NR3C1: variants seen among roughly 807,000 people sequenced by gnomAD.
NR3C1 encodes glucocorticoid receptor.
NR3C1 carries 14 observed loss-of-function variants against 74.0 expected under a neutral mutation model. The observed-to-expected ratio is 0.19, with a 90% CI of 0.12 to 0.30. The LOEUF (loss-of-function observed/expected upper bound fraction) is 0.30, where lower values mean the gene tolerates loss of function less well. NR3C1 is among the 10% of genes least tolerant of loss of function. NR3C1 has a pLI of 1.00. For synonymous variants in NR3C1, 308 were observed against 332.5 expected (o/e 0.93, Z 0.80); for missense variants, 695 against 909.8 (o/e 0.76, Z 3.04).
intron 1 of NR3C1, among the ~76,000 whole-genome samples, chr5:143,425,822 CT>C (rs1751499533): frequency 6.6e-6 from 1 of 152,144 alleles, no homozygotes; most frequent in African/African-American, 2.4e-5. Flanking sequence ...TGGCAGTTTT[CT>C]CAAAAAGGTA....
At chr5:143,351,475 T>C (rs1323478707) in intron 2 of NR3C1, among the ~76,000 whole-genome samples, 1 of 152,156 alleles carries the variant, frequency 6.6e-6, no homozygotes, top group African/African-American at 2.4e-5. Flanking sequence ...TTTTCCTCTT[T>C]TGTTGAGGAA....
At position 143,341,115 on chromosome 5, in the gene NR3C1, C is replaced by G. The variant is rs1428791211; in HGVS notation, c.1185-26947G>C. Reference sequence around the variant, plus strand: ...TAAGCTGTTGTAGTTTCGAAATGATCCAAATAATAACTTACATGACTTGAT... The same window carrying G: ...TAAGCTGTTGTAGTTTCGAAATGATGCAAATAATAACTTACATGACTTGAT... On this transcript the variant is annotated intron_variant, in intron 2 of 8. Coordinates refer to ENST00000394464, the MANE Select transcript of NR3C1 (RefSeq NM_000176.3). 3.3e-5 allele frequency among the ~76,000 whole-genome samples: 5 copies of G among 152,042 alleles called. No individual in the cohort carries two copies. The East Asian group carries it at 9.6e-4, about 29-fold the overall frequency.
chr5:143,416,926 T>A (rs1249238348), intron 1 of NR3C1, among the ~76,000 whole-genome samples: 1 of 152,232 alleles, frequency 6.6e-6, no homozygotes, highest in African/African-American at 2.4e-5. Context: ...CCTATTCTGG[T>A]TACATCTGCC....
intron 1 of NR3C1, among the ~76,000 whole-genome samples, chr5:143,410,992 ACAAT>A (rs755551545): frequency 2.1e-4 from 32 of 152,342 alleles, no homozygotes; most frequent in Non-Finnish European, 3.7e-4. Context: ...TTATAAACTC[ACAAT>A]CAAATATTTT....
chr5:143,408,656 T>C (rs1441170585), upstream of NR3C1, among the ~76,000 whole-genome samples: 1 of 152,210 alleles, frequency 6.6e-6, no homozygotes, highest in Non-Finnish European at 1.5e-5. Context: ...GATAATTTTA[T>C]ACAATATTTA....
rs768442683 is a variant in NR3C1 at position 143,400,467 on chromosome 5, T to G, written c.373A>C (p.Ser125Arg). ...GETDLKLLEE[S>R]IANLNRSTSV... Reference sequence around the variant, plus strand: ...GTCGACCTATTGAGGTTTGCAATGCTTTCTTCCAAAAGCTTTAAGTCTGTT... The same window carrying G: ...GTCGACCTATTGAGGTTTGCAATGCGTTCTTCCAAAAGCTTTAAGTCTGTT... The change falls in exon 2 of 9, where the codon AGC becomes CGC. Residue 125 changes from serine to arginine, a missense_variant. By Grantham distance (110) the Ser-to-Arg change is moderately radical (BLOSUM62 -1). Transcript: ENST00000394464. The G allele has an allele frequency of 6.2e-7, 1 of 1,614,236 alleles. No homozygotes were observed. The highest frequency in any genetic ancestry group is 8.5e-7 in the Non-Finnish European group (1 of 1,180,038).
At position 143,403,227 on chromosome 5, in the gene NR3C1, G is replaced by C; in HGVS notation, c.-30C>G. On this transcript the variant is annotated 5_prime_UTR_variant, in exon 1 of 9. Transcript: ENST00000394464. ...GCTTCTTACCTCTGGCAGAGGAGCC[G>C]CTCGCCCGCCACCGTCCGCAGTTCC... The C allele has an allele frequency of 2.0e-6, 2 of 985,368 alleles. No individual in the cohort carries two copies. Among genetic ancestry groups the C allele is most frequent in the Non-Finnish European group, 2.4e-6 (2 of 829,990 alleles). The allele number at this position is 985,368 out of a possible 1,614,324, so 61.0% of individuals were successfully genotyped here. A position where few individuals can be genotyped will look rare whatever the true frequency, so the allele number is the denominator to read the frequency against.
At chr5:143,296,583 G>T (rs1817253774) in intron 6 of NR3C1, among the ~76,000 whole-genome samples, 1 of 151,864 alleles carries the variant, frequency 6.6e-6, no homozygotes, top group South Asian at 2.1e-4. Flanking sequence ...TAGTGTAGTA[G>T]AATAAGTAAA....
At chr5:143,338,991 T>C (rs144826108) in intron 2 of NR3C1, among the ~76,000 whole-genome samples, 8 of 152,302 alleles carry the variant, frequency 5.3e-5, no homozygotes, top group African/African-American at 1.9e-4. Flanking sequence ...TACCGATGTA[T>C]TAGAGGTGCC....
chr5:143,282,391 T>G (rs910990929), intron 8 of NR3C1, among the ~76,000 whole-genome samples, 177 bp downstream of exon 8: 1 of 149,606 alleles, frequency 6.7e-6, no homozygotes, highest in Admixed American at 6.8e-5. Context: ...TATTTCATAA[T>G]TGGCCTTAGG....
chr5:143,397,768 C>T (rs1176317034), intron 2 of NR3C1, among the ~76,000 whole-genome samples: 4 of 151,724 alleles, frequency 2.6e-5, no homozygotes, highest in Non-Finnish European at 3.0e-5. Flanking sequence ...ATTAAAAATA[C>T]GTAAAGATAC....
Position 143,295,551 on chromosome 5 carries a change from T to C in NR3C1, c.1932A>G (p.Lys644=), listed in dbSNP as rs1312357995. The C allele has an allele frequency of 6.2e-7, 1 of 1,613,142 alleles. No individual in the cohort carries two copies. Among genetic ancestry groups the C allele is most frequent in the Admixed American group, 1.7e-5 (1 of 59,982 alleles). The stretch of plus-strand genomic sequence containing the variant: ...ACTCAGAGGAAACATACAGCATGTG[T>C]TTACATTGGTCGTACATGCAGGGTA... The part of the protein sequence containing the change: ...MTLPCMYDQC[K]HMLYVSSELH... The change falls in exon 7 of 9, where the codon AAA becomes AAG. Residue 644 remains lysine (K), a synonymous_variant. Coordinates refer to ENST00000394464, the MANE Select transcript of NR3C1 (RefSeq NM_000176.3).
intron 2 of NR3C1, among the ~76,000 whole-genome samples, chr5:143,379,661 A>G (rs1254860343): frequency 6.6e-6 from 1 of 152,202 alleles, no homozygotes; most frequent in Non-Finnish European, 1.5e-5. Flanking sequence ...AATGTGGTAG[A>G]AATATAGTTG....
chr5:143,417,378 A>G (rs1453650470), intron 1 of NR3C1, among the ~76,000 whole-genome samples: 1 of 152,066 alleles, frequency 6.6e-6, no homozygotes, highest in Non-Finnish European at 1.5e-5. Context: ...ATGGAGTGGG[A>G]TGTCATTAGT....
chr5:143,426,194 A>T (rs1751518419), intron 1 of NR3C1, among the ~76,000 whole-genome samples: 1 of 152,168 alleles, frequency 6.6e-6, no homozygotes, highest in Non-Finnish European at 1.5e-5. Flanking sequence ...ACAGAGAAAT[A>T]ATTAATTAGT....
chr5:143,434,424 G>T, intron 1 of NR3C1: 1 of 477,268 alleles, frequency 2.1e-6, no homozygotes, highest in Non-Finnish European at 2.7e-6. Context: ...CATCAGCCTT[G>T]TGATTGTCTT....
chr5:143,319,726 T>C (rs543682258), intron 2 of NR3C1, among the ~76,000 whole-genome samples: 21 of 151,780 alleles, frequency 1.4e-4, no homozygotes, highest in African/African-American at 5.1e-4. Flanking sequence ...CACAAAGAAG[T>C]ATCCAGCTTC....
chr5:143,362,215 G>T (rs557379227), intron 2 of NR3C1, among the ~76,000 whole-genome samples: 2 of 152,060 alleles, frequency 1.3e-5, no homozygotes, highest in Non-Finnish European at 2.9e-5. Flanking sequence ...GCTTATTCTT[G>T]GTAAGAACAG....
intron 2 of NR3C1, among the ~76,000 whole-genome samples, chr5:143,320,867 C>A (rs550388054): frequency 6.6e-6 from 1 of 152,278 alleles, no homozygotes; most frequent in South Asian, 2.1e-4. Context: ...AGTCTTGAGA[C>A]CCCAAGCACT....
Sources: allele counts gnomAD v4.1 joint callset (sites outside exome capture counted in the v4.1 genomes callset), GRCh38; gene constraint gnomAD v4.1.1; transcripts MANE v1.5; gene names NCBI Gene and HGNC (gene_info 2026-07-23, HGNC 2026-07-21).